ITGB6: variants seen among roughly 807,000 people sequenced by gnomAD.
ITGB6 encodes the protein integrin subunit beta 6.
Under a neutral mutation model 84.5 loss-of-function variants are expected in ITGB6, and 80 were observed. That is an observed-to-expected ratio of 0.95 (90% confidence interval 0.79 to 1.14). The LOEUF is 1.14. ITGB6 is among the 50% of genes most tolerant of loss of function. The pLI is 0.00. For synonymous variants in ITGB6, 383 were observed against 354.9 expected (o/e 1.08, Z -0.89); for missense variants, 1,006 against 968.0 (o/e 1.04, Z -0.52).
chr2:160,171,122 G>A (rs1685182671), intron 6 of ITGB6, among the ~76,000 whole-genome samples: 1 of 152,094 alleles, frequency 6.6e-6, no homozygotes, highest in Admixed American at 6.6e-5. Context: ...AGTGAGTAAT[G>A]AACTGTTAAG....
intron 7 of ITGB6, among the ~76,000 whole-genome samples, chr2:160,146,816 A>G (rs1246206205): frequency 6.6e-6 from 1 of 152,190 alleles, no homozygotes; most frequent in Non-Finnish European, 1.5e-5. Context: ...GAAATAGAAT[A>G]TAAGGTAGGC....
chr2:160,175,857 G>A (rs1478542524), intron 4 of ITGB6, among the ~76,000 whole-genome samples: 1 of 152,182 alleles, frequency 6.6e-6, no homozygotes, highest in African/African-American at 2.4e-5. Context: ...TATTTTCCTT[G>A]GGAGCAATGA....
intron 4 of ITGB6, among the ~76,000 whole-genome samples, chr2:160,187,105 TA>T (rs1309194684): frequency 1.3e-5 from 2 of 152,126 alleles, no homozygotes; most frequent in Non-Finnish European, 2.9e-5. Flanking sequence ...TCTTAGAACT[TA>T]AAGTATAATA....
chr2:160,197,791 T>C (rs1055757718), intron 2 of ITGB6, among the ~76,000 whole-genome samples: 2 of 152,250 alleles, frequency 1.3e-5, no homozygotes, highest in African/African-American at 4.8e-5. Context: ...GTCATTGCTA[T>C]CACCTCTATT....
At chr2:160,183,201 T>C (rs1365677504) in intron 4 of ITGB6, among the ~76,000 whole-genome samples, 1 of 151,994 alleles carries the variant, frequency 6.6e-6, no homozygotes, top group Admixed American at 6.6e-5. Context: ...TAGTGGCAAA[T>C]TGGAGAAAGA....
intron 13 of ITGB6, among the ~76,000 whole-genome samples, chr2:160,109,809 G>A (rs1205177845): frequency 1.3e-5 from 2 of 152,132 alleles, no homozygotes; most frequent in Non-Finnish European, 2.9e-5. Flanking sequence ...TGCACAATCT[G>A]GTAGCTCAAT....
intron 7 of ITGB6, among the ~76,000 whole-genome samples, chr2:160,158,094 G>T (rs1387833035): frequency 6.6e-6 from 1 of 151,504 alleles, no homozygotes; most frequent in Non-Finnish European, 1.5e-5. Context: ...AGGGTAGCAT[G>T]AATGTCTGTC....
At chr2:160,138,647 T>A (rs1273760734) in intron 8 of ITGB6, among the ~76,000 whole-genome samples, 3 of 152,200 alleles carry the variant, frequency 2.0e-5, no homozygotes, top group Admixed American at 6.5e-5. Context: ...TATCATGATT[T>A]CTTAGCTCCC....
At chr2:160,190,289 G>A (rs1686090421) in intron 4 of ITGB6, among the ~76,000 whole-genome samples, 1 of 151,730 alleles carries the variant, frequency 6.6e-6, no homozygotes, top group Admixed American at 6.6e-5. Context: ...CACCAACATG[G>A]CACATGTATA....
At chr2:160,155,007 G>A (rs1467425376) in intron 7 of ITGB6, among the ~76,000 whole-genome samples, 3 of 152,144 alleles carry the variant, frequency 2.0e-5, no homozygotes, top group Non-Finnish European at 4.4e-5. Flanking sequence ...AGATCTGGTT[G>A]TTTAAAAGCA....
intron 13 of ITGB6, among the ~76,000 whole-genome samples, chr2:160,110,883 AC>A (rs1237142161): frequency 6.6e-6 from 1 of 152,146 alleles, no homozygotes; most frequent in Non-Finnish European, 1.5e-5. Context: ...AACCATGCGG[AC>A]ATTTGTTGAG....
At position 160,178,697 on chromosome 2, in the gene ITGB6, T is replaced by C. The variant is rs907527215; in HGVS notation, c.594-4558A>G. On this transcript the variant is annotated intron_variant, in intron 4 of 14. Transcript: ENST00000283249. ...CTCTCTCTCTCTCTCTCTTTTTTTT[T>C]TTTTTTTTTTTTGAGACAGGGTCTC... Among the ~76,000 whole-genome samples the C allele has an allele frequency of 4.0e-5, 6 of 148,446 alleles. No individual in the cohort carries two copies. The South Asian group carries it at 1.3e-3, about 32-fold the overall frequency.
intron 4 of ITGB6, among the ~76,000 whole-genome samples, chr2:160,180,613 C>A (rs1685626395): frequency 6.6e-6 from 1 of 152,196 alleles, no homozygotes; most frequent in South Asian, 2.1e-4. Flanking sequence ...AAACTATTTT[C>A]ACAGTAATTC....
chr2:160,194,510 G>A (rs1475976923), intron 4 of ITGB6, among the ~76,000 whole-genome samples: 1 of 151,740 alleles, frequency 6.6e-6, no homozygotes, highest in Admixed American at 6.6e-5. Flanking sequence ...TAGTCATGTG[G>A]CCCTGGGCAA....
intron 10 of ITGB6, among the ~76,000 whole-genome samples, chr2:160,133,776 G>T (rs2105811904): frequency 6.6e-6 from 1 of 152,236 alleles, no homozygotes; most frequent in South Asian, 2.1e-4. Flanking sequence ...CAACTACATG[G>T]AACCTGAACA....
At chr2:160,158,928 G>A (rs1003060541) in intron 7 of ITGB6, among the ~76,000 whole-genome samples, 3 of 152,014 alleles carry the variant, frequency 2.0e-5, no homozygotes, top group Admixed American at 6.6e-5. Flanking sequence ...GTGAAACCCC[G>A]TCTCTAATAA....
intron 4 of ITGB6, among the ~76,000 whole-genome samples, chr2:160,175,674 A>G (rs1366419214): frequency 1.3e-5 from 2 of 152,238 alleles, no homozygotes; most frequent in Non-Finnish European, 2.9e-5. Flanking sequence ...GCTGTGTGAG[A>G]CAAGCTTCAT....
At position 160,148,824 on chromosome 2, in the gene ITGB6, A is replaced by G. The variant is rs113982835; in HGVS notation, c.1018-6753T>C. On this transcript the variant is annotated intron_variant, in intron 7 of 14. Coordinates refer to ENST00000283249, the MANE Select transcript of ITGB6 (RefSeq NM_000888.5). ...CCGTACCTGGCTAAGTGGCTCCCAC[A>G]CCCACGGAGCCTTGCTCACTGCTAA... Among the ~76,000 whole-genome samples the G allele has an allele frequency of 9.1e-3, 1,391 of 152,330 alleles. 28 individuals carry two copies. Among genetic ancestry groups the G allele is most frequent in the African/African-American group, 0.032 (1,343 of 41,572 alleles).
rs777881857 is a variant in ITGB6, at chr2:160,195,443, G to A, written c.519C>T (p.Gly173=). Residue 173 remains glycine (G), a synonymous_variant, in exon 4 of 15, where the codon GGC becomes GGT. Transcript: ENST00000283249. The part of the protein sequence containing the change: ...MSKLTSNFRL[G]FGSFVEKPVS... ...CAGGTTTTTCCACAAAAGATCCGAAGCCCAGTCTAAAGTTGCTGGTTAATT... is the reference window on the plus strand; with the variant it reads ...CAGGTTTTTCCACAAAAGATCCGAAACCCAGTCTAAAGTTGCTGGTTAATT... 5 of 1,614,196 alleles carry A rather than the reference G, an allele frequency of 3.1e-6. No individual in the cohort carries two copies. The Admixed American group carries it at 8.3e-5, about 27-fold the overall frequency.
Sources: allele counts gnomAD v4.1 joint callset (sites outside exome capture counted in the v4.1 genomes callset), GRCh38; gene constraint gnomAD v4.1.1; transcripts MANE v1.5; gene names NCBI Gene and HGNC (gene_info 2026-07-23, HGNC 2026-07-21).